The following KIAA1671 variants were observed in gnomAD, a reference collection of about 807,000 sequenced individuals.
KIAA1671 encodes KIAA1671.
KIAA1671 carries 52 observed loss-of-function variants against 131.2 expected under a neutral mutation model. The observed-to-expected ratio is 0.40, with a 90% CI of 0.32 to 0.50. The LOEUF (loss-of-function observed/expected upper bound fraction) is 0.50. KIAA1671 is among the 20% of genes least tolerant of loss of function. The pLI is 0.73. For missense variants in KIAA1671, 2,360 were observed against 2,364.2 expected, an observed-to-expected ratio of 1.00 and a Z score of 0.04; for synonymous variants, 1,003 against 961.6, an observed-to-expected ratio of 1.04 and a Z score of -0.80.
At chr22:25,038,535 T>C (rs1026171279) in intron 4 of KIAA1671, among the ~76,000 whole-genome samples, 3 of 152,236 alleles carry the variant, frequency 2.0e-5, no homozygotes, top group Non-Finnish European at 2.9e-5. Flanking sequence ...TCAGGATAGA[T>C]ACATTGCTTT....
At chr22:25,026,528 C>T (rs1021792498) in intron 2 of KIAA1671, among the ~76,000 whole-genome samples, 4 of 151,980 alleles carry the variant, frequency 2.6e-5, no homozygotes, top group African/African-American at 9.7e-5. Flanking sequence ...GTCAGGAGTT[C>T]GAGACCAGCC....
intron 6 of KIAA1671, among the ~76,000 whole-genome samples, chr22:25,160,934 G>A (rs1256477814): frequency 6.6e-6 from 1 of 152,174 alleles, no homozygotes; most frequent in African/African-American, 2.4e-5. Flanking sequence ...TCTCAGCTGG[G>A]ACCCAAGTCC....
intron 1 of KIAA1671, among the ~76,000 whole-genome samples, chr22:25,001,935 A>C (rs573736919): frequency 2.2e-4 from 34 of 152,012 alleles, no homozygotes; most frequent in Non-Finnish European, 3.5e-4. Context: ...ATATGATATA[A>C]AATATATAAT....
chr22:25,039,223 A>G lies in KIAA1671; in HGVS notation c.2093A>G (p.His698Arg). The G allele has an allele frequency of 6.4e-7, 1 of 1,552,290 alleles. No individual in the cohort carries two copies. The highest frequency in any genetic ancestry group is 8.7e-7 in the Non-Finnish European group (1 of 1,147,124). The change falls in exon 5 of 13, where the codon CAC becomes CGC. Residue 698 changes from histidine to arginine, a missense_variant. Physicochemically the swap from His to Arg is conservative, Grantham distance 29 (BLOSUM62 0). Coordinates refer to ENST00000358431, the MANE Select transcript of KIAA1671 (RefSeq NM_001145206.2). ...TTGAATGGTGAACTGAGACCGTATCACACGCCTCTCCGGGACAAATACCCT... is the reference window on the plus strand; with the variant it reads ...TTGAATGGTGAACTGAGACCGTATCGCACGCCTCTCCGGGACAAATACCCT... ...TLLNGELRPY[H>R]TPLRDKYPLS...
In KIAA1671 at chr22:25,041,140, A is replaced by G. The variant is rs1441160715; in HGVS notation, c.4010A>G (p.His1337Arg). The change falls in exon 5 of 13, where the codon CAT becomes CGT. Residue 1337 changes from histidine to arginine, a missense_variant. By Grantham distance (29) the His-to-Arg change is conservative. Coordinates refer to ENST00000358431, the MANE Select transcript of KIAA1671 (RefSeq NM_001145206.2). ...DDRKAFASKH[H>R]VAKCQNYLAE... Reference sequence around the variant, plus strand: ...AGAAAGGCCTTTGCCAGTAAACATCATGTTGCAAAGTGTCAGAATTACCTG... The same window carrying G: ...AGAAAGGCCTTTGCCAGTAAACATCGTGTTGCAAAGTGTCAGAATTACCTG... 1 of 1,550,940 alleles carries G rather than the reference A, an allele frequency of 6.4e-7. No homozygotes were observed. The highest frequency in any genetic ancestry group is 8.7e-7 in the Non-Finnish European group (1 of 1,146,600).
At chr22:25,002,362 G>T (rs1385564057) in intron 1 of KIAA1671, among the ~76,000 whole-genome samples, 4 of 152,192 alleles carry the variant, frequency 2.6e-5, no homozygotes. Flanking sequence ...TGTTTGATCA[G>T]AGTGGAAAGT....
At chr22:25,160,049 A>G (rs768123005) in intron 6 of KIAA1671, among the ~76,000 whole-genome samples, 1 of 152,250 alleles carries the variant, frequency 6.6e-6, no homozygotes, top group Non-Finnish European at 1.5e-5. Flanking sequence ...TTACACTGAC[A>G]GTTCACGCAG....
chr22:25,143,543 T>G (rs1311211690), intron 6 of KIAA1671, among the ~76,000 whole-genome samples: 1 of 152,158 alleles, frequency 6.6e-6, no homozygotes, highest in Admixed American at 6.5e-5. Context: ...TTCTATAAAT[T>G]GTCATGGGCT....
At chr22:25,139,878 G>A (rs1382208480) in intron 6 of KIAA1671, among the ~76,000 whole-genome samples, 6 of 152,182 alleles carry the variant, frequency 3.9e-5, no homozygotes, top group Admixed American at 1.3e-4. Flanking sequence ...GCCTAAGGAC[G>A]GAGTGTGCTG....
At chr22:25,020,274 GA>G (rs1245589529) in intron 1 of KIAA1671, among the ~76,000 whole-genome samples, 2 of 152,140 alleles carry the variant, frequency 1.3e-5, no homozygotes, top group African/African-American at 4.8e-5. Flanking sequence ...AAGTTGTTGA[GA>G]AGATGAATGA....
chr22:25,117,382 G>T (rs1334309714), intron 6 of KIAA1671, among the ~76,000 whole-genome samples: 1 of 152,068 alleles, frequency 6.6e-6, no homozygotes, highest in African/African-American at 2.4e-5. Flanking sequence ...GGGGATCCAT[G>T]AAGTGGGGAC....
intron 12 of KIAA1671, 56 bp downstream of exon 12, chr22:25,190,840 G>A (rs1025282860): frequency 2.1e-5 from 26 of 1,218,074 alleles, no homozygotes; most frequent in Admixed American, 1.8e-4. Context: ...ACAGGAATGG[G>A]GAACTCAGGG....
intron 1 of KIAA1671, chr22:25,011,173 C>T (rs1196037867): frequency 4.0e-5 from 6 of 150,190 alleles, no homozygotes; most frequent in Non-Finnish European, 7.4e-5. Flanking sequence ...GACGAAGTCT[C>T]ACTCTGTCGC....
chr22:24,976,211 G>A (rs1569196324), intron 1 of KIAA1671, among the ~76,000 whole-genome samples: 1 of 152,226 alleles, frequency 6.6e-6, no homozygotes, highest in African/African-American at 2.4e-5. Flanking sequence ...CCCTGTTTAT[G>A]GAGCAAGACA....
Position 25,180,612 on chromosome 22 carries a change from C to T in KIAA1671, c.5075-1087C>T, listed in dbSNP as rs571078125. ...CTGACCTGCCCACTCTATGTAGACA[C>T]AGCCTTTTTAGTCCTCAAAAACATC... On this transcript the variant is annotated intron_variant, in intron 9 of 12. Transcript: ENST00000358431. Among the ~76,000 whole-genome samples, 10 of 152,224 alleles carry T rather than the reference C, an allele frequency of 6.6e-5. No individual in the cohort carries two copies. The East Asian group carries it at 1.9e-3, about 29-fold the overall frequency.
Position 25,029,371 on chromosome 22 carries a change from T to TCCC in KIAA1671, c.1373_1374insCCC (p.Pro459dup), listed in dbSNP as rs1926141684. The TCCC allele has an allele frequency of 6.4e-7, 1 of 1,550,880 alleles. No individual in the cohort carries two copies. The highest frequency in any genetic ancestry group is 8.7e-7 in the Non-Finnish European group (1 of 1,146,744). ...CTTGGCCTTGGCAGTGGGGTCTGAA[T>TCCC]CTCCCCTGGCCACCCCTGCGTCCCC... On this transcript the variant is annotated inframe_insertion, in exon 3 of 13. Transcript: ENST00000358431.
chr22:25,125,649 G>A (rs552943473), intron 6 of KIAA1671, among the ~76,000 whole-genome samples: 2 of 152,286 alleles, frequency 1.3e-5, no homozygotes, highest in Admixed American at 6.5e-5. Context: ...CAGCATCCCC[G>A]GCCTCTGCCC....
chr22:25,093,758 C>T (rs1035765081), intron 6 of KIAA1671, among the ~76,000 whole-genome samples: 1,111 of 108,770 alleles, frequency 0.01, 6 homozygotes, highest in South Asian at 0.018. Context: ...CTCTCTCTCT[C>T]TCTCTCTCTG....
In KIAA1671 at chr22:25,185,025, A is replaced by T. The variant is rs1190994441; in HGVS notation, c.5248A>T (p.Ser1750Cys). ...GGTGGACAGTCCTGGCGAGACCCCC[A>T]GCTGGGCACCCCAACCCAAGAGCCC... is the stretch of plus-strand genomic sequence containing the variant. ...PEVDSPGETP[S>C]WAPQPKSPKS... The change falls in exon 11 of 13, where the codon AGC becomes TGC. Residue 1750 changes from serine (S) to cysteine (C), a missense_variant. Physicochemically the swap from Ser to Cys is moderately radical, Grantham distance 112. Coordinates refer to ENST00000358431, the MANE Select transcript of KIAA1671 (RefSeq NM_001145206.2). 1 of 1,551,528 alleles carries T rather than the reference A, an allele frequency of 6.4e-7. No individual in the cohort carries two copies. The highest frequency in any genetic ancestry group is 1.4e-5 in the African/African-American group (1 of 73,028).
Sources: allele counts gnomAD v4.1 joint callset (sites outside exome capture counted in the v4.1 genomes callset), GRCh38; gene constraint gnomAD v4.1.1; transcripts MANE v1.5; gene names NCBI Gene and HGNC (gene_info 2026-07-23, HGNC 2026-07-21).